The following CIMIP6 variants were observed in gnomAD, a reference collection of about 807,000 sequenced individuals.
CIMIP6 encodes uncharacterized protein C2orf73.
chr2:54,355,343 G>A, the CIMIP6 span, among the ~76,000 whole-genome samples: 1 of 152,100 alleles, frequency 6.6e-6, no homozygotes, highest in Admixed American at 6.6e-5. Context: ...ATCGAGAGGA[G>A]AGTGAGAAAC....
the CIMIP6 span, among the ~76,000 whole-genome samples, chr2:54,362,817 G>A: frequency 1.3e-5 from 2 of 152,212 alleles, no homozygotes; most frequent in Non-Finnish European, 2.9e-5. Context: ...ACAGTGCTGG[G>A]ATTACAGGCA....
At chr2:54,373,525 G>A in the CIMIP6 span, among the ~76,000 whole-genome samples, 1 of 152,044 alleles carries the variant, frequency 6.6e-6, no homozygotes, top group Non-Finnish European at 1.5e-5. Flanking sequence ...GGCTTGCCAG[G>A]TAGCCTTCCT....
At chr2:54,359,227 T>C in the CIMIP6 span, among the ~76,000 whole-genome samples, 7 of 152,196 alleles carry the variant, frequency 4.6e-5, no homozygotes, top group African/African-American at 1.7e-4. Flanking sequence ...CATAGTAAAA[T>C]GTAAGGAATA....
chr2:54,342,313 CT>C, the CIMIP6 span, among the ~76,000 whole-genome samples: 1 of 152,184 alleles, frequency 6.6e-6, no homozygotes, highest in Admixed American at 6.5e-5. Flanking sequence ...CCAGATTCTT[CT>C]CTCCAAACTG....
the CIMIP6 span, among the ~76,000 whole-genome samples, chr2:54,342,847 T>C: frequency 2.2e-4 from 33 of 152,170 alleles, no homozygotes; most frequent in African/African-American, 7.2e-4. Context: ...TTCCAGGAAC[T>C]CCTAGGTGTC....
chr2:54,345,145 C>T, the CIMIP6 span, among the ~76,000 whole-genome samples: 1 of 152,032 alleles, frequency 6.6e-6, no homozygotes, highest in Non-Finnish European at 1.5e-5. Flanking sequence ...ATTAAATTGA[C>T]ACAAAGATCA....
the CIMIP6 span, among the ~76,000 whole-genome samples, chr2:54,337,772 A>T: frequency 1.3e-5 from 2 of 152,158 alleles, no homozygotes; most frequent in African/African-American, 4.8e-5. Flanking sequence ...CCTTTAAGAG[A>T]TGGTGAAAGT....
chr2:54,343,728 G>A, the CIMIP6 span: 1 of 1,590,164 alleles, frequency 6.3e-7, no homozygotes, highest in Non-Finnish European at 8.5e-7. Flanking sequence ...AGGGTGACTG[G>A]TGGTCACATG....
the CIMIP6 span, among the ~76,000 whole-genome samples, chr2:54,337,581 A>G: frequency 5.9e-5 from 9 of 152,232 alleles, no homozygotes; most frequent in Admixed American, 5.2e-4. Flanking sequence ...CAATACTAAG[A>G]AAAAGAAGCT....
At chr2:54,360,328 A>G in the CIMIP6 span, 3 of 1,611,442 alleles carry the variant, frequency 1.9e-6, no homozygotes, top group Non-Finnish European at 2.5e-6. Flanking sequence ...AAACAGAGAA[A>G]GGAAACTCAG....
the CIMIP6 span, among the ~76,000 whole-genome samples, chr2:54,375,833 T>C: frequency 2.0e-5 from 3 of 152,086 alleles, no homozygotes; most frequent in African/African-American, 7.2e-5. Flanking sequence ...AAGCTATTGA[T>C]ATAGGTAGTA....
chr2:54,364,096 C>G, the CIMIP6 span, among the ~76,000 whole-genome samples: 3,903 of 152,266 alleles, frequency 0.026, 174 homozygotes, highest in African/African-American at 0.086. Context: ...TGTGGGAAAT[C>G]TGTAATAAAA....
chr2:54,362,680 G>T, the CIMIP6 span, among the ~76,000 whole-genome samples: 1 of 152,138 alleles, frequency 6.6e-6, no homozygotes, highest in Non-Finnish European at 1.5e-5. Flanking sequence ...TCTGAGTGCT[G>T]GGATTACAGG....
At chr2:54,340,659 C>T in the CIMIP6 span, among the ~76,000 whole-genome samples, 8 of 152,192 alleles carry the variant, frequency 5.3e-5, no homozygotes, top group Non-Finnish European at 1.0e-4. Context: ...TTAAAGTCAC[C>T]AGTCACATTT....
chr2:54,337,253 A>C, the CIMIP6 span, among the ~76,000 whole-genome samples: 5 of 152,314 alleles, frequency 3.3e-5, no homozygotes, highest in Middle Eastern at 3.4e-3. Context: ...CATGGACAGC[A>C]CACCATGGCT....
At chr2:54,379,972 C>A in the CIMIP6 span, among the ~76,000 whole-genome samples, 1 of 134,916 alleles carries the variant, frequency 7.4e-6, no homozygotes. Context: ...AGTGAAAGTC[C>A]TTCTAAAAAA....
chr2:54,366,296 T>C, the CIMIP6 span, among the ~76,000 whole-genome samples: 1 of 152,234 alleles, frequency 6.6e-6, no homozygotes, highest in Non-Finnish European at 1.5e-5. Context: ...TTTAGCCATC[T>C]TGCTTAAAAT....
chr2:54,334,996 T>G, the CIMIP6 span: 1 of 1,603,392 alleles, frequency 6.2e-7, no homozygotes, highest in Non-Finnish European at 8.5e-7. Flanking sequence ...TTTCCCTACA[T>G]AGATCCCAAA....
At chr2:54,334,997 A>AT in the CIMIP6 span, 1 of 1,603,078 alleles carries the variant, frequency 6.2e-7, no homozygotes, top group Non-Finnish European at 8.5e-7. Flanking sequence ...TTCCCTACAT[A>AT]GATCCCAAAA....
Sources: gnomAD v4.1 joint callset for allele counts (sites outside exome capture counted in the v4.1 genomes callset) on GRCh38, gnomAD v4.1.1 for gene constraint, MANE v1.5 for transcripts, NCBI Gene and HGNC (gene_info 2026-07-23, HGNC 2026-07-21) for gene names.